Variants in CEP128 observed in about 807,000 individuals in gnomAD.
CEP128 encodes centrosomal protein 128kDa.
In CEP128, 132 loss-of-function variants were observed where a neutral mutation model predicts 156.7. The observed-to-expected ratio is 0.84, with a 90% CI of 0.73 to 0.97. The LOEUF is 0.97. CEP128 is among the 50% of genes least tolerant of loss of function. CEP128 has a pLI of 0.00. For synonymous variants in CEP128, 469 were observed against 448.9 expected, an observed-to-expected ratio of 1.04 and a Z score of -0.57; for missense variants, 1,252 against 1,281.9, an observed-to-expected ratio of 0.98 and a Z score of 0.36.
At chr14:80,821,454 T>C (rs1023920471) in intron 13 of CEP128, among the ~76,000 whole-genome samples, 6 of 152,140 alleles carry the variant, frequency 3.9e-5, no homozygotes, top group African/African-American at 9.7e-5. Context: ...CTTTTTTCCA[T>C]AGCAAGTCCT....
intron 2 of CEP128, among the ~76,000 whole-genome samples, chr14:80,929,093 T>G (rs1290488702): frequency 6.6e-6 from 1 of 150,832 alleles, no homozygotes; most frequent in East Asian, 1.9e-4. Flanking sequence ...AAAGAAGATA[T>G]ACAAATGGCC....
intron 19 of CEP128, among the ~76,000 whole-genome samples, chr14:80,600,964 A>G (rs1468601757): frequency 6.7e-6 from 1 of 150,068 alleles, no homozygotes; most frequent in Non-Finnish European, 1.5e-5. Flanking sequence ...ATACATGAAG[A>G]AGAAAACTGA....
At chr14:80,936,186 C>T (rs919739974) in intron 2 of CEP128, among the ~76,000 whole-genome samples, 2 of 152,226 alleles carry the variant, frequency 1.3e-5, no homozygotes, top group Admixed American at 6.5e-5. Context: ...TCATGAGCAC[C>T]TGTTTCACAG....
At chr14:80,603,535 T>C (rs757141039) in intron 19 of CEP128, among the ~76,000 whole-genome samples, 1 of 152,200 alleles carries the variant, frequency 6.6e-6, no homozygotes, top group Non-Finnish European at 1.5e-5. Context: ...GGAAGACCAC[T>C]ATTCCTTTTA....
At chr14:80,622,594 A>G (rs1242459577) in intron 19 of CEP128, among the ~76,000 whole-genome samples, 1 of 150,264 alleles carries the variant, frequency 6.7e-6, no homozygotes, top group Non-Finnish European at 1.5e-5. Context: ...TCTACAATGA[A>G]CTCAAACAAA....
chr14:80,647,060 T>TGTGTGC (rs1566831589), intron 19 of CEP128, among the ~76,000 whole-genome samples: 250 of 11,446 alleles, frequency 0.022, 17 homozygotes, highest in East Asian at 0.064. Flanking sequence ...TATATATATA[T>TGTGTGC]ATATATATAT....
chr14:80,519,340 A>T (rs1210368816), intron 23 of CEP128, among the ~76,000 whole-genome samples: 2 of 152,216 alleles, frequency 1.3e-5, no homozygotes, highest in Non-Finnish European at 2.9e-5. Context: ...TGCTAAGCTG[A>T]TCTCTAATGA....
chr14:80,815,071 G>C (rs903150021), intron 13 of CEP128, among the ~76,000 whole-genome samples: 1 of 150,756 alleles, frequency 6.6e-6, no homozygotes, highest in Non-Finnish European at 1.5e-5. Flanking sequence ...AAGGCAAAAA[G>C]AAACAAACAA....
chr14:80,896,738 G>A (rs1889366205), intron 7 of CEP128, among the ~76,000 whole-genome samples: 1 of 151,960 alleles, frequency 6.6e-6, no homozygotes, highest in Non-Finnish European at 1.5e-5. Context: ...GGCTTTATAT[G>A]GGCCTTACTT....
intron 2 of CEP128, among the ~76,000 whole-genome samples, chr14:80,953,591 A>G (rs1181885568): frequency 6.6e-6 from 1 of 152,240 alleles, no homozygotes; most frequent in African/African-American, 2.4e-5. Context: ...TCTCAAACAA[A>G]CAAACAAAAA....
intron 2 of CEP128, among the ~76,000 whole-genome samples, chr14:80,949,383 A>G (rs2139655989): frequency 1.3e-5 from 2 of 152,244 alleles, no homozygotes; most frequent in Non-Finnish European, 2.9e-5. Flanking sequence ...GTAGAGAGAA[A>G]ACTTCCGAGA....
At chr14:80,784,852 G>C in intron 15 of CEP128, 43 bp downstream of exon 15, 2 of 1,497,516 alleles carry the variant, frequency 1.3e-6, no homozygotes, top group Non-Finnish European at 9.0e-7. Context: ...TGAGCCACCA[G>C]AAAAATTCCT....
At chr14:80,924,323 A>G (rs1347372274) in intron 2 of CEP128, among the ~76,000 whole-genome samples, 2 of 152,228 alleles carry the variant, frequency 1.3e-5, no homozygotes, top group Non-Finnish European at 2.9e-5. Flanking sequence ...GATCAAAATC[A>G]ACTGTCCAGT....
intron 19 of CEP128, among the ~76,000 whole-genome samples, chr14:80,722,529 T>A (rs1240276480): frequency 4.0e-5 from 6 of 151,320 alleles, no homozygotes; most frequent in Non-Finnish European, 1.5e-5. Context: ...CATATAAGTA[T>A]ATATAATATA....
At position 80,513,813 on chromosome 14, in the gene CEP128, C is replaced by T. The variant is rs541806849; in HGVS notation, c.3073-8793G>A. 2.6e-5 allele frequency among the ~76,000 whole-genome samples: 4 copies of T among 152,282 alleles called. No homozygotes were observed. In the East Asian group the frequency reaches 7.7e-4, roughly 29 times the overall value. On this transcript the variant is annotated intron_variant, in intron 23 of 24. Transcript: ENST00000555265. Reference sequence around the variant, plus strand: ...AATCAAAATATTTTACCCCAAAACACGTTTTTCTGCCATATCTTGAAATGG... The same window carrying T: ...AATCAAAATATTTTACCCCAAAACATGTTTTTCTGCCATATCTTGAAATGG...
intron 19 of CEP128, among the ~76,000 whole-genome samples, chr14:80,666,934 C>T (rs1443575649): frequency 1.3e-5 from 2 of 152,056 alleles, no homozygotes; most frequent in Non-Finnish European, 2.9e-5. Context: ...TTTGACTGTC[C>T]GTCTTTGTTT....
At chr14:80,730,500 T>TGG (rs1898225437) in intron 19 of CEP128, among the ~76,000 whole-genome samples, 1 of 152,168 alleles carries the variant, frequency 6.6e-6, no homozygotes, top group Non-Finnish European at 1.5e-5. Context: ...ATGACTGTTT[T>TGG]AACAGGGAAA....
intron 13 of CEP128, among the ~76,000 whole-genome samples, chr14:80,798,405 C>A: frequency 6.6e-6 from 1 of 152,178 alleles, no homozygotes. Context: ...AGTCCACTTC[C>A]AGTGAAATTA....
chr14:80,497,636 C>T, intron 24 of CEP128, 54 bp from the exon 25 acceptor site: 8 of 1,213,308 alleles, frequency 6.6e-6, no homozygotes, highest in Non-Finnish European at 9.5e-6. Flanking sequence ...TAAAACTGGC[C>T]TAAAAAATTA....
Sources: gnomAD v4.1 joint callset for allele counts (sites outside exome capture counted in the v4.1 genomes callset) on GRCh38, gnomAD v4.1.1 for gene constraint, MANE v1.5 for transcripts, NCBI Gene and HGNC (gene_info 2026-07-23, HGNC 2026-07-21) for gene names.